Variants in NEK10 observed in about 807,000 individuals in gnomAD.
NEK10 encodes NIMA related kinase 10.
Under a neutral mutation model 159.8 loss-of-function variants are expected in NEK10, and 122 were observed. That is an observed-to-expected ratio of 0.76 (90% CI 0.66 to 0.89). The LOEUF is 0.89. Ranked by LOEUF, NEK10 falls within the 40% of genes least tolerant of loss-of-function variation. NEK10 has a pLI of 0.00. For missense variants in NEK10, 1,342 were observed against 1,323.1 expected, an observed-to-expected ratio of 1.01 and a Z score of -0.22; for synonymous variants, 466 against 457.1, an observed-to-expected ratio of 1.02 and a Z score of -0.25.
intron 6 of NEK10, among the ~76,000 whole-genome samples, chr3:27,317,561 A>G (rs1486288267): frequency 2.0e-5 from 3 of 152,306 alleles, no homozygotes; most frequent in African/African-American, 7.2e-5. Flanking sequence ...AATAGACTCA[A>G]TAATATAATA....
chr3:27,162,082 AAT>A (rs1454059703), intron 30 of NEK10, among the ~76,000 whole-genome samples: 3 of 152,214 alleles, frequency 2.0e-5, no homozygotes, highest in Non-Finnish European at 4.4e-5. Context: ...GATAGAAAAA[AAT>A]ATGACTTACT....
chr3:27,216,342 T>C (rs1444275816), intron 23 of NEK10: 1 of 154,070 alleles, frequency 6.5e-6, no homozygotes, highest in African/African-American at 2.4e-5. Context: ...ACAAAACACA[T>C]TATCTTCAAG....
chr3:27,229,614 A>AT (rs1009688048), intron 23 of NEK10, among the ~76,000 whole-genome samples: 2 of 152,124 alleles, frequency 1.3e-5, no homozygotes, highest in Admixed American at 1.3e-4. Context: ...ACATAAAGAA[A>AT]TTTTTTTAAT....
intron 23 of NEK10, among the ~76,000 whole-genome samples, chr3:27,238,554 C>A (rs1954205104): frequency 6.6e-6 from 1 of 151,912 alleles, no homozygotes; most frequent in Non-Finnish European, 1.5e-5. Context: ...CCTTTAATTT[C>A]TAATTCACTT....
chr3:27,161,087 A>G (rs1429519356), intron 30 of NEK10, among the ~76,000 whole-genome samples: 1 of 152,214 alleles, frequency 6.6e-6, no homozygotes, highest in Non-Finnish European at 1.5e-5. Context: ...CCACCGACAT[A>G]AAATCAAGTC....
At chr3:27,188,953 G>A (rs1948869655) in intron 26 of NEK10, among the ~76,000 whole-genome samples, 1 of 152,082 alleles carries the variant, frequency 6.6e-6, no homozygotes, top group Non-Finnish European at 1.5e-5. Flanking sequence ...ACTACACTGT[G>A]AACAGTGCCA....
Position 27,110,164 on chromosome 3 carries a change from G to A in NEK10, c.*1108C>T, listed in dbSNP as rs900058112. The A allele has an allele frequency of 9.2e-5, 14 of 152,294 alleles. No individual in the cohort carries two copies. Among genetic ancestry groups the A allele is most frequent in the Middle Eastern group, 3.4e-3 (1 of 294 alleles). 9.4% of individuals were successfully genotyped at this position (152,294 alleles called of 1,614,324 possible). ...AATTGCTCTTTAGGTAGCTAGAAGT[G>A]TAGACAGATTTCGCAATAAGGGTAT... On this transcript the variant is annotated 3_prime_UTR_variant, in exon 36 of 36. Transcript: ENST00000691995.
At position 27,110,725 on chromosome 3, in the gene NEK10, TA is replaced by T. The variant is rs530750190; in HGVS notation, c.*546del. On this transcript the variant is annotated 3_prime_UTR_variant, in exon 36 of 36. Transcript: ENST00000691995. ...GTTAAGCGAGAACCAACCCATCCAT[TA>T]AAAAAAAAAAAATTTAATCACGTAT... The T allele has an allele frequency of 9.1e-3, 1,326 of 145,024 alleles. 9 individuals carry two copies. The highest frequency in any genetic ancestry group is 0.01 in the Non-Finnish European group (664 of 65,666). 9.0% of individuals were successfully genotyped at this position (145,024 alleles called of 1,614,324 possible). A position where few individuals can be genotyped will look rare whatever the true frequency, so the allele number is the denominator to read the frequency against.
intron 30 of NEK10, among the ~76,000 whole-genome samples, chr3:27,146,418 G>C (rs543042842): frequency 3.3e-5 from 5 of 152,028 alleles, no homozygotes; most frequent in African/African-American, 1.2e-4. Context: ...AGGAACTTTT[G>C]GACAACTGGA....
At chr3:27,330,473 A>T (rs886106512) in intron 5 of NEK10, among the ~76,000 whole-genome samples, 6 of 152,242 alleles carry the variant, frequency 3.9e-5, no homozygotes, top group Non-Finnish European at 7.3e-5. Context: ...CTATCAGATA[A>T]GTGAAGGAAA....
chr3:27,349,614 T>C (rs995216774), intron 3 of NEK10, among the ~76,000 whole-genome samples: 1 of 152,180 alleles, frequency 6.6e-6, no homozygotes, highest in Non-Finnish European at 1.5e-5. Context: ...TCTTCTTTCT[T>C]CCATCTTTTT....
At chr3:27,206,396 G>C (rs1575243820) in intron 23 of NEK10, among the ~76,000 whole-genome samples, 2 of 152,274 alleles carry the variant, frequency 1.3e-5, no homozygotes, top group South Asian at 4.1e-4. Context: ...ATTTTAATAA[G>C]TGAAAAATGC....
At chr3:27,119,689 T>A (rs2125441018) in intron 33 of NEK10, 71 bp downstream of exon 33, 2 of 1,190,226 alleles carry the variant, frequency 1.7e-6, no homozygotes, top group East Asian at 2.4e-5. Flanking sequence ...GATAATCTTT[T>A]AGAAATAGCT....
chr3:27,331,079 A>C (rs557225113), intron 5 of NEK10, among the ~76,000 whole-genome samples: 2 of 151,922 alleles, frequency 1.3e-5, no homozygotes, highest in Non-Finnish European at 2.9e-5. Context: ...CTACTAAAAA[A>C]TACAAAAATT....
intron 26 of NEK10, among the ~76,000 whole-genome samples, chr3:27,187,898 A>G (rs776827309): frequency 5.3e-5 from 8 of 152,226 alleles, no homozygotes; most frequent in Non-Finnish European, 1.2e-4. Flanking sequence ...ACAAACATCC[A>G]TCATCTAGCT....
chr3:27,253,335 C>T (rs796168587), intron 23 of NEK10, among the ~76,000 whole-genome samples: 1 of 152,264 alleles, frequency 6.6e-6, no homozygotes, highest in African/African-American at 2.4e-5. Flanking sequence ...ACTCTATACT[C>T]TTCCCAAAAA....
At chr3:27,186,376 T>A (rs1487723158) in intron 26 of NEK10, among the ~76,000 whole-genome samples, 3 of 152,174 alleles carry the variant, frequency 2.0e-5, no homozygotes, top group Admixed American at 2.0e-4. Context: ...ATATAATAGA[T>A]GCAAGGGTAG....
intron 11 of NEK10, among the ~76,000 whole-genome samples, chr3:27,306,675 G>A (rs2044267983): frequency 1.3e-5 from 2 of 152,172 alleles, no homozygotes; most frequent in Non-Finnish European, 2.9e-5. Flanking sequence ...GTGTCTTGTT[G>A]CCTTATCTAT....
At chr3:27,177,860 C>T (rs1947675182) in intron 26 of NEK10, among the ~76,000 whole-genome samples, 2 of 152,128 alleles carry the variant, frequency 1.3e-5, no homozygotes, top group South Asian at 4.1e-4. Flanking sequence ...GTACATTAAC[C>T]TATTAAAGGG....
Sources: gnomAD v4.1 joint callset for allele counts (sites outside exome capture counted in the v4.1 genomes callset) on GRCh38, gnomAD v4.1.1 for gene constraint, MANE v1.5 for transcripts, NCBI Gene and HGNC (gene_info 2026-07-23, HGNC 2026-07-21) for gene names.